The following RPS6KA1 variants were observed in gnomAD, a reference collection of about 807,000 sequenced individuals.
RPS6KA1 encodes ribosomal protein S6 kinase alpha-1.
A neutral mutation model predicts 91.3 loss-of-function variants in RPS6KA1; 48 were observed. The observed-to-expected ratio is 0.53, with a 90% CI of 0.42 to 0.67. The LOEUF is 0.67. Among genes scored for constraint, RPS6KA1 ranks in the 30% least tolerant of loss-of-function variants. RPS6KA1 has a pLI of 0.00. For missense variants in RPS6KA1, 719 were observed against 960.5 expected (o/e 0.75, Z 3.32); for synonymous variants, 359 against 384.7 (o/e 0.93, Z 0.78).
chr1:26,540,978 C>T lies in RPS6KA1; in HGVS notation c.108+4009C>T, dbSNP rs1169864582. ...GCTAATTTCATATTTTTAGTAGAGA[C>T]GGGGTTTCTCCATGTTGGTCAGGCT... On this transcript the variant is annotated intron_variant, in intron 2 of 21. Transcript: ENST00000374168. This position sits in a 1 kb window ranked among gnomAD's most constrained non-coding sequence, Gnocchi z 4.2. Among the ~76,000 whole-genome samples the T allele has an allele frequency of 2.0e-5, 3 of 152,018 alleles. No individual in the cohort carries two copies. Among genetic ancestry groups the T allele is most frequent in the Non-Finnish European group, 2.9e-5 (2 of 68,004 alleles).
chr1:26,554,230 G>A lies in RPS6KA1; in HGVS notation c.592G>A (p.Glu198Lys). The A allele has an allele frequency of 6.4e-7, 1 of 1,556,532 alleles. No homozygotes were observed. Among genetic ancestry groups the A allele is most frequent in the Non-Finnish European group, 8.7e-7 (1 of 1,149,628 alleles). The change falls in exon 8 of 22, where the codon GAG (glutamate) becomes AAG (lysine). Residue 198 changes from glutamate to lysine, a missense_variant. Physicochemically the swap from Glu to Lys is moderately conservative, Grantham distance 56. This residue lies in a region of RPS6KA1 where 159 missense variants were observed against 264.5 expected (regional missense o/e 0.60). Transcript: ENST00000374168. This position sits in a 1 kb window ranked among gnomAD's most constrained non-coding sequence, Gnocchi z 4.6. ...LKPENILLDE[E>K]GHIKLTDFGL... ...CTATTACAGCATCCTTCTGGATGAG[G>A]AGGGCCACATCAAACTCACTGGTGA...
Position 26,540,741 on chromosome 1 carries a change from A to G in RPS6KA1, c.108+3772A>G, listed in dbSNP as rs894496959. Among the ~76,000 whole-genome samples, 4 of 152,174 alleles carry G rather than the reference A, an allele frequency of 2.6e-5. No individual in the cohort carries two copies. Among genetic ancestry groups the G allele is most frequent in the Admixed American group, 6.5e-5 (1 of 15,272 alleles). On this transcript the variant is annotated intron_variant, in intron 2 of 21. Transcript: ENST00000374168. The surrounding 1 kb of genome is among the most constrained non-coding windows in gnomAD (Gnocchi z 4.2). ...CAGGCGCACGCCACTATGCCCAGCCAGGAGTTCAACACAAGCCTGGGCAAC... is the reference window on the plus strand; with the variant it reads ...CAGGCGCACGCCACTATGCCCAGCCGGGAGTTCAACACAAGCCTGGGCAAC...
intron 14 of RPS6KA1, 41 bp from the exon 15 acceptor site, chr1:26,560,685 T>C: frequency 6.2e-7 from 1 of 1,613,650 alleles, no homozygotes; most frequent in South Asian, 1.1e-5. Context: ...CCCCTAGCAC[T>C]CTAGAGCCAG....
Position 26,574,454 on chromosome 1 carries a change from A to G in RPS6KA1, c.*253A>G, listed in dbSNP as rs952361445. 4 of 676,096 alleles carry G rather than the reference A, an allele frequency of 5.9e-6. No homozygotes were observed. The highest frequency in any genetic ancestry group is 8.5e-6 in the Non-Finnish European group (3 of 354,876). 41.9% of individuals were successfully genotyped at this position (676,096 alleles called of 1,614,324 possible). A position where few individuals can be genotyped will look rare whatever the true frequency, so the allele number is the denominator to read the frequency against. ...AACTTTTTTTTATGAAAAAAATGGC[A>G]TCAACCACCATGGATTTTTACAAGA... On this transcript the variant is annotated 3_prime_UTR_variant, in exon 22 of 22. Coordinates refer to ENST00000374168, the MANE Select transcript of RPS6KA1 (RefSeq NM_002953.4). The surrounding 1 kb of genome is among the most constrained non-coding windows in gnomAD (Gnocchi z 4.3).
chr1:26,574,072 C>T lies in RPS6KA1; in HGVS notation c.2086-7C>T. 1 of 1,613,798 alleles carries T rather than the reference C, an allele frequency of 6.2e-7. No homozygotes were observed. Among genetic ancestry groups the T allele is most frequent in the East Asian group, 2.2e-5 (1 of 44,874 alleles). On this transcript the variant is annotated splice_region_variant and splice_polypyrimidine_tract_variant and intron_variant, in intron 21 of 21. Coordinates refer to ENST00000374168, the MANE Select transcript of RPS6KA1 (RefSeq NM_002953.4). The surrounding 1 kb of genome is among the most constrained non-coding windows in gnomAD (Gnocchi z 4.3). ...ATTGTGACCTGACCTCCCCACTTCTCTTTCAGGGAGCCATGGCTGCCACGT... is the reference window on the plus strand; with the variant it reads ...ATTGTGACCTGACCTCCCCACTTCTTTTTCAGGGAGCCATGGCTGCCACGT...
At chr1:26,536,535 A>G (rs2075907936) in intron 1 of RPS6KA1, among the ~76,000 whole-genome samples, 2 of 152,224 alleles carry the variant, frequency 1.3e-5, no homozygotes, top group Non-Finnish European at 2.9e-5. Flanking sequence ...AGATGGGGAA[A>G]CTGAGTCCTC....
At chr1:26,549,896 T>G (rs2076032219) in intron 4 of RPS6KA1, among the ~76,000 whole-genome samples, 1 of 150,526 alleles carries the variant, frequency 6.6e-6, no homozygotes, top group South Asian at 2.1e-4. Flanking sequence ...TTTTCTTTTT[T>G]GAGACGGAGT....
intron 11 of RPS6KA1, among the ~76,000 whole-genome samples, 168 bp from the exon 12 acceptor site, chr1:26,556,486 A>G (rs1375634676): frequency 1.3e-5 from 2 of 152,222 alleles, no homozygotes; most frequent in Non-Finnish European, 2.9e-5. Context: ...AATGCTGAGT[A>G]GGTGACAGGC....
At chr1:26,537,915 G>A (rs912936123) in intron 2 of RPS6KA1, among the ~76,000 whole-genome samples, 20 of 152,206 alleles carry the variant, frequency 1.3e-4, no homozygotes, top group Non-Finnish European at 4.4e-5. Flanking sequence ...TGGCAGCTTC[G>A]GTGCCAGCAC....
chr1:26,561,368 G>T lies in RPS6KA1; in HGVS notation c.1432-137G>T. On this transcript the variant is annotated intron_variant, in intron 16 of 21. Coordinates refer to ENST00000374168, the MANE Select transcript of RPS6KA1 (RefSeq NM_002953.4). The surrounding 1 kb of genome is among the most constrained non-coding windows in gnomAD (Gnocchi z 5.7). The stretch of plus-strand genomic sequence containing the variant: ...ACCAGTGTCAGCATCCTCCTTTTGG[G>T]GAAGGCAGGACCACTGAAGAGCAAG... 8.7e-7 allele frequency: 1 copy of T among 1,147,278 alleles called. No homozygotes were observed. The highest frequency in any genetic ancestry group is 1.3e-6 in the Non-Finnish European group (1 of 789,028). 71.1% of individuals were successfully genotyped at this position (1,147,278 alleles called of 1,614,324 possible).
At position 26,554,327 on chromosome 1, in the gene RPS6KA1, TG is replaced by T; in HGVS notation, c.613+81del. The T allele has an allele frequency of 1.4e-6, 2 of 1,435,856 alleles. No homozygotes were observed. Among genetic ancestry groups the T allele is most frequent in the Non-Finnish European group, 1.9e-6 (2 of 1,053,028 alleles). The allele number at this position is 1,435,856 out of a possible 1,614,324, so 88.9% of individuals were successfully genotyped here. On this transcript the variant is annotated intron_variant, in intron 8 of 21. Coordinates refer to ENST00000374168, the MANE Select transcript of RPS6KA1 (RefSeq NM_002953.4). The surrounding 1 kb of genome is among the most constrained non-coding windows in gnomAD (Gnocchi z 4.6). ...GTCATGATAGGTCTCGGCTGAGTGC[TG>T]GGGGCTCATTCTTCCCGAGAAGCCG...
intron 2 of RPS6KA1, among the ~76,000 whole-genome samples, chr1:26,538,430 C>G (rs1197243658): frequency 1.3e-5 from 2 of 152,184 alleles, no homozygotes; most frequent in Non-Finnish European, 2.9e-5. Context: ...ATGGCAGGAG[C>G]TTGCCGAGGC....
In RPS6KA1 at chr1:26,574,563, T is replaced by A; in HGVS notation, c.*362T>A. The A allele has an allele frequency of 2.3e-6, 1 of 427,842 alleles. No homozygotes were observed. Among genetic ancestry groups the A allele is most frequent in the Non-Finnish European group, 4.7e-6 (1 of 214,142 alleles). 26.5% of individuals were successfully genotyped at this position (427,842 alleles called of 1,614,324 possible). ...CACGCTGGGGCTCTCTGAGACTCTT[T>A]AGAGCAGCTTTGGGATCCCACCCTG... On this transcript the variant is annotated 3_prime_UTR_variant, in exon 22 of 22. Coordinates refer to ENST00000374168, the MANE Select transcript of RPS6KA1 (RefSeq NM_002953.4). This position sits in a 1 kb window ranked among gnomAD's most constrained non-coding sequence, Gnocchi z 4.3.
intron 2 of RPS6KA1, chr1:26,544,076 T>G (rs757110046): frequency 4.4e-6 from 2 of 456,150 alleles, no homozygotes; most frequent in Non-Finnish European, 8.8e-6. Flanking sequence ...CCACCCCAGG[T>G]ACAGCAGCAA....
chr1:26,550,330 G>A (rs904615377), intron 4 of RPS6KA1, among the ~76,000 whole-genome samples: 17 of 151,698 alleles, frequency 1.1e-4, no homozygotes, highest in African/African-American at 4.1e-4. Flanking sequence ...TTACAGGCAC[G>A]TGCCACCAGG....
Position 26,574,031 on chromosome 1 carries a change from C to T in RPS6KA1, c.2086-48C>T, listed in dbSNP as rs572186309. 17 of 1,593,004 alleles carry T rather than the reference C, an allele frequency of 1.1e-5. No individual in the cohort carries two copies. Among genetic ancestry groups the T allele is most frequent in the African/African-American group, 6.7e-5 (5 of 74,764 alleles). On this transcript the variant is annotated intron_variant, in intron 21 of 21. Transcript: ENST00000374168. This position sits in a 1 kb window ranked among gnomAD's most constrained non-coding sequence, Gnocchi z 4.3. ...ACCCTTGGGGCATGGATCCCCTCCC[C>T]GCTACATCTCCCACCATTGTGACCT...
In RPS6KA1 at chr1:26,558,736, C is replaced by A; in HGVS notation, c.1085-71C>A. 1 of 1,537,152 alleles carries A rather than the reference C, an allele frequency of 6.5e-7. No individual in the cohort carries two copies. The highest frequency in any genetic ancestry group is 1.2e-5 in the South Asian group (1 of 81,828). On this transcript the variant is annotated intron_variant, in intron 13 of 21. Coordinates refer to ENST00000374168, the MANE Select transcript of RPS6KA1 (RefSeq NM_002953.4). This position sits in a 1 kb window ranked among gnomAD's most constrained non-coding sequence, Gnocchi z 4.0. Reference sequence around the variant, plus strand: ...GCAGGTCTGGAGGCCCTGTGCTCCCCCTTTGCTGGGCTGCCTCAGGGTCGA... The same window carrying A: ...GCAGGTCTGGAGGCCCTGTGCTCCCACTTTGCTGGGCTGCCTCAGGGTCGA...
chr1:26,548,748 G>A (rs1396795002), intron 4 of RPS6KA1, among the ~76,000 whole-genome samples: 2 of 151,172 alleles, frequency 1.3e-5, no homozygotes, highest in Non-Finnish European at 2.9e-5. Context: ...GCAGTGAGCC[G>A]AGATCGCGCC....
chr1:26,574,223 C>G lies in RPS6KA1; in HGVS notation c.*22C>G, dbSNP rs1291812816. On this transcript the variant is annotated 3_prime_UTR_variant, in exon 22 of 22. Coordinates refer to ENST00000374168, the MANE Select transcript of RPS6KA1 (RefSeq NM_002953.4). The surrounding 1 kb of genome is among the most constrained non-coding windows in gnomAD (Gnocchi z 4.3). Reference sequence around the variant, plus strand: ...GTGAGGCACCAGGGCATTCGGGCCACAGGGCGGTGCTAGCTTGACACAGTC... The same window carrying G: ...GTGAGGCACCAGGGCATTCGGGCCAGAGGGCGGTGCTAGCTTGACACAGTC... 2 of 1,613,826 alleles carry G rather than the reference C, an allele frequency of 1.2e-6. No homozygotes were observed.
Sources: gnomAD v4.1 joint callset for allele counts (sites outside exome capture counted in the v4.1 genomes callset) on GRCh38, gnomAD v4.1.1 for gene constraint, gnomAD v4.1.1 regional missense constraint, Gnocchi (gnomAD v3.1) non-coding constraint, MANE v1.5 for transcripts, NCBI Gene and HGNC (gene_info 2026-07-23, HGNC 2026-07-21) for gene names.